SLC24A2: variants seen among roughly 807,000 people sequenced by gnomAD.
SLC24A2 encodes sodium/potassium/calcium exchanger 2.
A neutral mutation model predicts 62.0 loss-of-function variants in SLC24A2; 36 were observed. The observed-to-expected ratio is 0.58, with a 90% CI of 0.44 to 0.77. SLC24A2 has a LOEUF of 0.77. Ranked by LOEUF, SLC24A2 falls within the 30% of genes least tolerant of loss-of-function variation. The pLI, the probability that SLC24A2 is intolerant of heterozygous loss-of-function variation, is 0.00. For missense variants in SLC24A2, 846 were observed against 817.9 expected (o/e 1.03, Z -0.42); for synonymous variants, 358 against 294.0 (o/e 1.22, Z -2.23).
At chr9:19,692,464 CTTA>C (rs1820071725) in intron 2 of SLC24A2, among the ~76,000 whole-genome samples, 1 of 152,154 alleles carries the variant, frequency 6.6e-6, no homozygotes, top group Non-Finnish European at 1.5e-5. Flanking sequence ...TTGAAGCCAC[CTTA>C]TTAGTTTTTT....
chr9:20,156,327 T>C, the SLC24A2 span, among the ~76,000 whole-genome samples: 1 of 151,780 alleles, frequency 6.6e-6, no homozygotes, highest in African/African-American at 2.4e-5. Context: ...CTGGAGCAGA[T>C]ATTCAAGGCC....
chr9:19,677,452 T>C (rs1819593186), intron 2 of SLC24A2, among the ~76,000 whole-genome samples: 1 of 151,842 alleles, frequency 6.6e-6, no homozygotes, highest in Non-Finnish European at 1.5e-5. Flanking sequence ...CAGAAGGAGG[T>C]AGAGTATTAG....
chr9:19,764,436 T>G (rs1260391855), intron 2 of SLC24A2, among the ~76,000 whole-genome samples: 1 of 152,238 alleles, frequency 6.6e-6, no homozygotes, highest in Non-Finnish European at 1.5e-5. Context: ...CCTGTGGGCA[T>G]TTAGTGCTGT....
the SLC24A2 span, among the ~76,000 whole-genome samples, chr9:19,881,637 G>A: frequency 1.3e-5 from 2 of 152,030 alleles, no homozygotes; most frequent in Admixed American, 6.6e-5. Flanking sequence ...TTAACTTAGG[G>A]GTACACACTT....
At chr9:19,690,352 A>G (rs1820008640) in intron 2 of SLC24A2, among the ~76,000 whole-genome samples, 1 of 152,078 alleles carries the variant, frequency 6.6e-6, no homozygotes, top group Admixed American at 6.5e-5. Flanking sequence ...TCATTCAGTA[A>G]GTAGGCCCCA....
chr9:19,586,785 T>A (rs191495581), intron 5 of SLC24A2, among the ~76,000 whole-genome samples: 7 of 152,282 alleles, frequency 4.6e-5, no homozygotes, highest in African/African-American at 1.2e-4. Flanking sequence ...CTTCATTGTT[T>A]TAGGAACTTA....
At chr9:19,704,267 T>G (rs547837613) in intron 2 of SLC24A2, among the ~76,000 whole-genome samples, 1 of 152,328 alleles carries the variant, frequency 6.6e-6, no homozygotes, top group African/African-American at 2.4e-5. Context: ...ACATGATTAA[T>G]GACATGGAAA....
chr9:20,182,313 C>T, the SLC24A2 span, among the ~76,000 whole-genome samples: 2 of 152,182 alleles, frequency 1.3e-5, no homozygotes, highest in African/African-American at 4.8e-5. Flanking sequence ...ATAAATCATG[C>T]TACTATAAAG....
Position 19,622,801 on chromosome 9 carries a change from C to T in SLC24A2, c.931-502G>A, listed in dbSNP as rs188881177. Reference sequence around the variant, plus strand: ...TGGTTGTTACTGGGGGATGGGATTGCAAAGAAATGTCATTTTCTATATGTT... The same window carrying T: ...TGGTTGTTACTGGGGGATGGGATTGTAAAGAAATGTCATTTTCTATATGTT... On this transcript the variant is annotated intron_variant, in intron 2 of 10. Coordinates refer to ENST00000341998, the MANE Select transcript of SLC24A2 (RefSeq NM_020344.4). Among the ~76,000 whole-genome samples the T allele has an allele frequency of 4.4e-3, 667 of 152,010 alleles. 9 individuals carry two copies. The highest frequency in any genetic ancestry group is 0.015 in the African/African-American group (614 of 41,422).
At chr9:19,842,611 G>T in the SLC24A2 span, among the ~76,000 whole-genome samples, 1 of 152,130 alleles carries the variant, frequency 6.6e-6, no homozygotes, top group East Asian at 1.9e-4. Context: ...AGCTATACTG[G>T]TTTAGAGACC....
At chr9:19,618,089 A>C (rs1432056078) in intron 4 of SLC24A2, among the ~76,000 whole-genome samples, 1 of 152,250 alleles carries the variant, frequency 6.6e-6, no homozygotes, top group Non-Finnish European at 1.5e-5. Context: ...TACAGAGGTG[A>C]AAATGCTTTG....
chr9:20,047,393 G>T, the SLC24A2 span, among the ~76,000 whole-genome samples: 1 of 151,652 alleles, frequency 6.6e-6, no homozygotes, highest in Non-Finnish European at 1.5e-5. Context: ...ACCTGACAAA[G>T]GTCAGAGTCA....
At chr9:19,692,526 G>T (rs895151302) in intron 2 of SLC24A2, among the ~76,000 whole-genome samples, 1 of 152,084 alleles carries the variant, frequency 6.6e-6, no homozygotes, top group Non-Finnish European at 1.5e-5. Flanking sequence ...AAATATGCCA[G>T]CAGTAAAACA....
At chr9:19,710,531 C>G (rs1820683463) in intron 2 of SLC24A2, among the ~76,000 whole-genome samples, 1 of 152,126 alleles carries the variant, frequency 6.6e-6, no homozygotes. Flanking sequence ...AACACATTTA[C>G]AGGTTCAAAT....
chr9:19,523,474 T>G (rs1329401312), intron 9 of SLC24A2, among the ~76,000 whole-genome samples: 2 of 152,162 alleles, frequency 1.3e-5, no homozygotes, highest in Non-Finnish European at 2.9e-5. Context: ...CTTAATATGT[T>G]TTTTTTGAGA....
At chr9:19,541,242 C>G (rs1322385044) in intron 8 of SLC24A2, among the ~76,000 whole-genome samples, 1 of 147,834 alleles carries the variant, frequency 6.8e-6, no homozygotes, top group Non-Finnish European at 1.5e-5. Context: ...TGTTCCGTTG[C>G]TGGTGAGGAA....
chr9:19,518,295 T>G (rs1333993681), intron 10 of SLC24A2, among the ~76,000 whole-genome samples: 1 of 152,196 alleles, frequency 6.6e-6, no homozygotes, highest in African/African-American at 2.4e-5. Flanking sequence ...AAGCTAAAGA[T>G]GAAAGATGCA....
chr9:19,922,723 G>A, the SLC24A2 span, among the ~76,000 whole-genome samples: 13 of 152,036 alleles, frequency 8.6e-5, no homozygotes, highest in South Asian at 1.0e-3. Flanking sequence ...ATATGGAAGC[G>A]CTGAAAGGAA....
intron 2 of SLC24A2, among the ~76,000 whole-genome samples, chr9:19,768,829 T>G (rs1314253467): frequency 6.6e-6 from 1 of 152,198 alleles, no homozygotes; most frequent in African/African-American, 2.4e-5. Flanking sequence ...TTCTCCAGTC[T>G]TCTTCCTTCC....
Sources: allele counts gnomAD v4.1 joint callset (sites outside exome capture counted in the v4.1 genomes callset), GRCh38; gene constraint gnomAD v4.1.1; transcripts MANE v1.5; gene names NCBI Gene and HGNC (gene_info 2026-07-23, HGNC 2026-07-21).